The following FAM234A variants were observed in gnomAD, a reference collection of about 807,000 sequenced individuals.
The protein encoded by FAM234A is protein FAM234A.
FAM234A carries 42 observed loss-of-function variants against 49.1 expected under a neutral mutation model. That is an observed-to-expected ratio of 0.86 (90% CI 0.67 to 1.11). FAM234A has a LOEUF of 1.11. FAM234A is among the 50% of genes least tolerant of loss of function. The pLI, the probability that FAM234A is intolerant of heterozygous loss-of-function variation, is 0.00. For synonymous variants in FAM234A, 369 were observed against 316.2 expected (o/e 1.17, Z -1.77); for missense variants, 815 against 745.2 (o/e 1.09, Z -1.09).
intron 3 of FAM234A, among the ~76,000 whole-genome samples, chr16:257,904 C>T (rs2051299175): frequency 6.6e-6 from 1 of 152,054 alleles, no homozygotes; most frequent in Admixed American, 6.6e-5. Flanking sequence ...GTCGCCCAGG[C>T]TGGAGTGCGG....
At chr16:269,021 C>T (rs748426105), downstream of FAM234A, 2 of 1,329,800 alleles carry the variant, frequency 1.5e-6, no homozygotes, top group African/African-American at 1.5e-5. Flanking sequence ...AGGCTCTGCC[C>T]TGACCCAAGC....
Position 263,774 on chromosome 16 carries a change from A to G in FAM234A, c.1187A>G (p.Gln396Arg), listed in dbSNP as rs546027582. The change falls in exon 10 of 13, where the codon CAG becomes CGG. Residue 396 changes from glutamine to arginine, a missense_variant and splice_region_variant. By Grantham distance (43) the Gln-to-Arg change is conservative. Transcript: ENST00000399932. ...AVENGTGTDR[Q>R]ILFLDLGTGA... Reference sequence around the variant, plus strand: ...GAAAACGGAACTGGCACCGACAGACAGGTTCGTTGTTCTTCCTTCGGAGGT... The same window carrying G: ...GAAAACGGAACTGGCACCGACAGACGGGTTCGTTGTTCTTCCTTCGGAGGT... The G allele has an allele frequency of 1.1e-5, 18 of 1,612,164 alleles. No individual in the cohort carries two copies. The East Asian group carries it at 3.6e-4, about 32-fold the overall frequency.
At chr16:250,427 C>T (rs2050960109) in intron 2 of FAM234A, among the ~76,000 whole-genome samples, 1 of 152,044 alleles carries the variant, frequency 6.6e-6, no homozygotes, top group Non-Finnish European at 1.5e-5. Flanking sequence ...CTGCCTTCCC[C>T]ACCCCCATGC....
chr16:254,364 T>G lies in FAM234A; in HGVS notation c.-33-17T>G. 1 of 1,603,444 alleles carries G rather than the reference T, an allele frequency of 6.2e-7. No homozygotes were observed. Among genetic ancestry groups the G allele is most frequent in the South Asian group, 1.1e-5 (1 of 89,856 alleles). On this transcript the variant is annotated splice_polypyrimidine_tract_variant and intron_variant, in intron 2 of 12. Transcript: ENST00000399932. ...TGGGACTGCTGGCCTCGCCGACCTC[T>G]TGCTTTATCGACACAGTGACCAGGA... is the stretch of plus-strand genomic sequence containing the variant.
chr16:257,615 T>C (rs8049766), intron 3 of FAM234A, among the ~76,000 whole-genome samples: 25,790 of 151,908 alleles, frequency 0.17, 2,338 homozygotes, highest in East Asian at 0.32. Context: ...GTTTTTTTTT[T>C]CTAAGAGTTT....
rs1372080898 is a variant in FAM234A at position 260,088 on chromosome 16, G to C, written c.505G>C (p.Gly169Arg). Residue 169 changes from glycine to arginine, a missense_variant, in exon 5 of 13, where the codon GGC (glycine) becomes CGC (arginine). Coordinates refer to ENST00000399932, the MANE Select transcript of FAM234A (RefSeq NM_032039.4). ...GGAGTGTGCTGTGCCCCAGCCAAGAGGCAGTGAGGCACCTTCTGCCTGCAT... is the reference window on the plus strand; with the variant it reads ...GGAGTGTGCTGTGCCCCAGCCAAGACGCAGTGAGGCACCTTCTGCCTGCAT... ...LVECAVPQPR[G>R]SEAPSACILV... 6.2e-7 allele frequency: 1 copy of C among 1,613,866 alleles called. No homozygotes were observed. Among genetic ancestry groups the C allele is most frequent in the Non-Finnish European group, 8.5e-7 (1 of 1,180,032 alleles).
intron 1 of FAM234A, among the ~76,000 whole-genome samples, chr16:244,122 C>A (rs1424025221): frequency 6.6e-6 from 1 of 152,106 alleles, no homozygotes; most frequent in Non-Finnish European, 1.5e-5. Context: ...GCACCCGCCA[C>A]CACGCCCGGC....
rs1596832620 is a variant in FAM234A at position 260,067 on chromosome 16, T to G, written c.484T>G (p.Cys162Gly). 6.2e-7 allele frequency: 1 copy of G among 1,613,586 alleles called. No homozygotes were observed. The change falls in exon 5 of 13, where the codon TGT becomes GGT. Residue 162 changes from cysteine (C) to glycine (G), a missense_variant. Cys to Gly is a radical substitution (Grantham distance 159). Coordinates refer to ENST00000399932, the MANE Select transcript of FAM234A (RefSeq NM_032039.4). ...GGCCCAAGACGTGGCCCTCGTGGAGTGTGCTGTGCCCCAGCCAAGAGGCAG... is the reference window on the plus strand; with the variant it reads ...GGCCCAAGACGTGGCCCTCGTGGAGGGTGCTGTGCCCCAGCCAAGAGGCAG... The part of the protein sequence containing the change: ...PVAQDVALVE[C>G]AVPQPRGSEA...
chr16:256,009 G>T (rs770514399), intron 3 of FAM234A, among the ~76,000 whole-genome samples: 1 of 152,250 alleles, frequency 6.6e-6, no homozygotes, highest in South Asian at 2.1e-4. Flanking sequence ...GTAAGTGAAG[G>T]AGTGTGACTT....
Position 263,330 on chromosome 16 carries a change from C to T in FAM234A, c.1040C>T (p.Ser347Leu), listed in dbSNP as rs760339369. The change falls in exon 9 of 13, where the codon TCA (serine) becomes TTA (leucine). Residue 347 changes from serine (S) to leucine (L), a missense_variant. Transcript: ENST00000399932. Reference protein sequence around the residue: ...NAGADVLLVGSEAFVLLDGQE... With the variant: ...NAGADVLLVGLEAFVLLDGQE... ...GGTGCAGATGTGCTTCTTGTGGGCT[C>T]AGAGGCCTTCGTGCTGCTGGACGGG... The T allele has an allele frequency of 2.5e-6, 4 of 1,613,200 alleles. No individual in the cohort carries two copies. The highest frequency in any genetic ancestry group is 3.4e-6 in the Non-Finnish European group (4 of 1,180,010).
chr16:266,166 G>T (rs1039950980), downstream of FAM234A: 19 of 906,360 alleles, frequency 2.1e-5, no homozygotes, highest in Non-Finnish European at 2.4e-5. Context: ...GTAGTCAAAT[G>T]GATTTGTTCC....
rs1300133286 is a variant in FAM234A at position 261,446 on chromosome 16, C to G, written c.640C>G (p.Leu214Val). The G allele has an allele frequency of 6.2e-7, 1 of 1,613,640 alleles. No individual in the cohort carries two copies. The change falls in exon 6 of 13, where the codon CTG becomes GTG. Residue 214 changes from leucine to valine, a missense_variant. Physicochemically the swap from Leu to Val is conservative, Grantham distance 32 (BLOSUM62 1). Transcript: ENST00000399932. ...SGNASILSPL[L>V]QVPDVDGDGA... is the part of the protein sequence containing the mutation. ...GAATGCGTCCATCCTGAGCCCTCTG[C>G]TGCAGGTGCCTGATGTGGACGGCGA... is the stretch of plus-strand genomic sequence containing the variant.
chr16:257,229 A>G (rs1241107916), intron 3 of FAM234A, among the ~76,000 whole-genome samples: 7 of 146,974 alleles, frequency 4.8e-5, no homozygotes, highest in African/African-American at 1.5e-4. Context: ...TTTAGTTTCA[A>G]TGAAGTCTTT....
At chr16:247,751 T>C (rs2252214) in intron 1 of FAM234A, among the ~76,000 whole-genome samples, 57,914 of 151,936 alleles carry the variant, frequency 0.38, 14,148 homozygotes, top group African/African-American at 0.66. Context: ...GATTTTTAAA[T>C]CAGTTTCTCA....
chr16:258,802 G>A (rs1596825695), intron 3 of FAM234A, among the ~76,000 whole-genome samples: 2 of 152,142 alleles, frequency 1.3e-5, no homozygotes, highest in African/African-American at 4.8e-5. Flanking sequence ...TTTGTTTTTT[G>A]AGATGGACTC....
intron 6 of FAM234A, among the ~76,000 whole-genome samples, 162 bp from the exon 7 acceptor site, chr16:261,931 A>G (rs2051483619): frequency 6.6e-6 from 1 of 151,938 alleles, no homozygotes; most frequent in Non-Finnish European, 1.5e-5. Context: ...ACCCTTCCAC[A>G]TCTCCCATTG....
chr16:243,652 T>C (rs2050694575), intron 1 of FAM234A, among the ~76,000 whole-genome samples: 1 of 152,238 alleles, frequency 6.6e-6, no homozygotes, highest in South Asian at 2.1e-4. Flanking sequence ...TTCTGGTGGC[T>C]CAGTCAAGTT....
Position 236,916 on chromosome 16 carries a change from AAAAT to A in FAM234A, c.-140+2072_-140+2075del, listed in dbSNP as rs1316236262. Among the ~76,000 whole-genome samples, 6 of 150,146 alleles carry A rather than the reference AAAAT, an allele frequency of 4.0e-5. 1 individual carries two copies. The South Asian group carries it at 6.4e-4, about 16-fold the overall frequency. The stretch of plus-strand genomic sequence containing the variant: ...CGAGACTGTCTCAAAAAAATAAAAT[AAAAT>A]AAATAAATAAATTATTTTGTAGGGA... On this transcript the variant is annotated intron_variant, in intron 1 of 12. Transcript: ENST00000399932.
Position 265,623 on chromosome 16 carries a change from C to T in FAM234A, c.*601C>T. On this transcript the variant is annotated 3_prime_UTR_variant, in exon 13 of 13. Coordinates refer to ENST00000399932, the MANE Select transcript of FAM234A (RefSeq NM_032039.4). Reference sequence around the variant, plus strand: ...TAGCATGGGGGGTGTGACTTGGTTCCTTTGACCAGGTCCTGTGAGGAAGCC... The same window carrying T: ...TAGCATGGGGGGTGTGACTTGGTTCTTTTGACCAGGTCCTGTGAGGAAGCC... The T allele has an allele frequency of 2.0e-6, 2 of 985,610 alleles. No homozygotes were observed. Among genetic ancestry groups the T allele is most frequent in the Non-Finnish European group, 2.4e-6 (2 of 830,132 alleles). The allele number at this position is 985,610 out of a possible 1,614,324, so 61.1% of individuals were successfully genotyped here. A position where few individuals can be genotyped will look rare whatever the true frequency, so the allele number is the denominator to read the frequency against.
Sources: allele counts gnomAD v4.1 joint callset (sites outside exome capture counted in the v4.1 genomes callset), GRCh38; gene constraint gnomAD v4.1.1; transcripts MANE v1.5; gene names NCBI Gene and HGNC (gene_info 2026-07-23, HGNC 2026-07-21).